AUTS2: variants seen among roughly 807,000 people sequenced by gnomAD.
AUTS2 encodes the protein autism susceptibility gene 2 protein.
A neutral mutation model predicts 112.4 loss-of-function variants in AUTS2; 17 were observed. That is an observed-to-expected ratio of 0.15 (90% CI 0.10 to 0.23). The LOEUF (loss-of-function observed/expected upper bound fraction) is 0.23. AUTS2 is among the 10% of genes least tolerant of loss of function. AUTS2 has a pLI of 1.00. For synonymous variants in AUTS2, 751 were observed against 702.7 expected (o/e 1.07, Z -1.09); for missense variants, 1,510 against 1,701.6 (o/e 0.89, Z 1.98).
At chr7:70,775,134 G>A (rs535847898) in intron 12 of AUTS2, 2 of 569,572 alleles carry the variant, frequency 3.5e-6, no homozygotes, top group East Asian at 3.0e-5. Flanking sequence ...ACTTGTACAG[G>A]GGCTTGTCAG....
chr7:70,582,355 C>T lies in AUTS2; in HGVS notation c.691-116214C>T, dbSNP rs374158650. Among the ~76,000 whole-genome samples the T allele has an allele frequency of 2.6e-5, 4 of 152,306 alleles. No homozygotes were observed. The East Asian group carries it at 7.7e-4, about 29-fold the overall frequency. ...GTCAAGCTGAGTATACAAAGCATCC[C>T]ATATTTCAGGCTGAGGCCTACGGAG... On this transcript the variant is annotated intron_variant, in intron 5 of 18. Transcript: ENST00000342771.
chr7:70,010,807 A>G (rs528737599), intron 2 of AUTS2, among the ~76,000 whole-genome samples: 2 of 152,312 alleles, frequency 1.3e-5, no homozygotes, highest in South Asian at 2.1e-4. Flanking sequence ...AACAGGATCT[A>G]TCCATTCTAC....
intron 2 of AUTS2, among the ~76,000 whole-genome samples, chr7:69,909,021 C>T (rs940571598): frequency 6.6e-6 from 1 of 152,092 alleles, no homozygotes; most frequent in Admixed American, 6.5e-5. Flanking sequence ...AGTACAGGTG[C>T]TGCAGGAGCC....
intron 5 of AUTS2, chr7:70,436,906 A>G (rs1307995593): frequency 2.0e-5 from 3 of 152,264 alleles, no homozygotes; most frequent in Non-Finnish European, 4.4e-5. Flanking sequence ...AGATGAAGAC[A>G]AATGGTGCTT....
chr7:70,753,400 C>G (rs1434641429), intron 6 of AUTS2, among the ~76,000 whole-genome samples: 1 of 152,184 alleles, frequency 6.6e-6, no homozygotes, highest in Non-Finnish European at 1.5e-5. Context: ...AAAATAGAAT[C>G]TCTTCGAGCC....
At chr7:70,329,668 A>T (rs1325411287) in intron 4 of AUTS2, among the ~76,000 whole-genome samples, 1 of 148,290 alleles carries the variant, frequency 6.7e-6, no homozygotes, top group Non-Finnish European at 1.5e-5. Flanking sequence ...TGTATTCTGG[A>T]TACTAGATAC....
chr7:70,535,204 G>T (rs1373070187), intron 5 of AUTS2, among the ~76,000 whole-genome samples: 1 of 151,986 alleles, frequency 6.6e-6, no homozygotes, highest in African/African-American at 2.4e-5. Flanking sequence ...CTACCTTATG[G>T]GATTATTGGC....
intron 4 of AUTS2, among the ~76,000 whole-genome samples, chr7:70,244,212 T>C (rs896792619): frequency 1.3e-5 from 2 of 152,188 alleles, no homozygotes; most frequent in Non-Finnish European, 2.9e-5. Flanking sequence ...CCTCACACAC[T>C]AGTGATCATA....
At chr7:70,415,726 T>C (rs1289229142) in intron 4 of AUTS2, among the ~76,000 whole-genome samples, 1 of 152,160 alleles carries the variant, frequency 6.6e-6, no homozygotes, top group Non-Finnish European at 1.5e-5. Context: ...GAGACATCTA[T>C]ATTGTGGCTG....
rs767169128 is a variant in AUTS2 at position 70,763,040 on chromosome 7, C to A, written c.913C>A (p.Pro305Thr). The A allele has an allele frequency of 3.7e-6, 6 of 1,613,980 alleles. No individual in the cohort carries two copies. The South Asian group carries it at 6.6e-5, about 18-fold the overall frequency. Residue 305 changes from proline to threonine, a missense_variant, in exon 7 of 19, where the codon CCA (proline) becomes ACA (threonine). Pro to Thr is a conservative substitution (Grantham distance 38). Transcript: ENST00000342771. ...LKDPCPQVAQPIPQPQTEPQL... is the reference protein window; with the variant it reads ...LKDPCPQVAQTIPQPQTEPQL... The stretch of plus-strand genomic sequence containing the variant: ...AGACCCCTGCCCTCAGGTCGCACAG[C>A]CAATACCCCAGCCGCAGACGGAGCC...
At position 70,521,291 on chromosome 7, in the gene AUTS2, C is replaced by T. The variant is rs771202478; in HGVS notation, c.690+85510C>T. The stretch of plus-strand genomic sequence containing the variant: ...ACAACTGCAAAAGACTTTGCAGATA[C>T]GACGTGTGAAATGCCAAGAGGAAGA... On this transcript the variant is annotated intron_variant, in intron 5 of 18. Transcript: ENST00000342771. Among the ~76,000 whole-genome samples the T allele has an allele frequency of 7.2e-5, 11 of 152,128 alleles. 1 individual carries two copies. The highest frequency in any genetic ancestry group is 6.2e-4 in the South Asian group (3 of 4,826).
At chr7:70,603,770 T>A (rs569315705) in intron 5 of AUTS2, among the ~76,000 whole-genome samples, 2 of 152,212 alleles carry the variant, frequency 1.3e-5, no homozygotes, top group Admixed American at 1.3e-4. Context: ...ATTTTGCCAA[T>A]AATTTAAATT....
At chr7:70,761,147 A>G (rs187761124) in intron 6 of AUTS2, among the ~76,000 whole-genome samples, 35 of 152,310 alleles carry the variant, frequency 2.3e-4, no homozygotes, top group Admixed American at 1.7e-3. Flanking sequence ...ACAGTACGTA[A>G]ACAGAAATAT....
intron 2 of AUTS2, among the ~76,000 whole-genome samples, chr7:69,901,085 T>C (rs1198113874): frequency 6.6e-6 from 1 of 152,198 alleles, no homozygotes; most frequent in East Asian, 1.9e-4. Context: ...CGTGGTTTGT[T>C]CTGTTTTCCA....
chr7:70,504,176 G>A (rs533048041), intron 5 of AUTS2, among the ~76,000 whole-genome samples: 1 of 151,878 alleles, frequency 6.6e-6, no homozygotes, highest in East Asian at 1.9e-4. Context: ...AAATATTAAA[G>A]CTTTATAGGC....
intron 5 of AUTS2, among the ~76,000 whole-genome samples, chr7:70,463,370 T>G (rs1361705270): frequency 6.6e-6 from 1 of 152,228 alleles, no homozygotes; most frequent in Non-Finnish European, 1.5e-5. Flanking sequence ...GTCTTCCCAT[T>G]TGACATTCTG....
chr7:70,510,508 T>C (rs150829313), intron 5 of AUTS2, among the ~76,000 whole-genome samples: 1 of 152,358 alleles, frequency 6.6e-6, no homozygotes, highest in African/African-American at 2.4e-5. Context: ...CCCAAGACCC[T>C]GTCAGGAGTT....
chr7:70,778,229 A>T lies in AUTS2; in HGVS notation c.2004+1055A>T, dbSNP rs1487220673. ...GGAACAAAGTAACTGACAAGTCTGT[A>T]TTTTACAGTCTGGGTATTTATAGGC... is the stretch of plus-strand genomic sequence containing the variant. On this transcript the variant is annotated intron_variant, in intron 14 of 18. Coordinates refer to ENST00000342771, the MANE Select transcript of AUTS2 (RefSeq NM_015570.4). Among the ~76,000 whole-genome samples, 4 of 152,200 alleles carry T rather than the reference A, an allele frequency of 2.6e-5. No homozygotes were observed. The East Asian group carries it at 7.7e-4, about 29-fold the overall frequency.
At chr7:70,753,822 TTTTG>T (rs1286264374) in intron 6 of AUTS2, among the ~76,000 whole-genome samples, 1 of 152,172 alleles carries the variant, frequency 6.6e-6, no homozygotes, top group Non-Finnish European at 1.5e-5. Flanking sequence ...TAAAAAGAGA[TTTTG>T]TTTGAGGCAA....
Sources: allele counts gnomAD v4.1 joint callset (sites outside exome capture counted in the v4.1 genomes callset), GRCh38; gene constraint gnomAD v4.1.1; transcripts MANE v1.5; gene names NCBI Gene and HGNC (gene_info 2026-07-23, HGNC 2026-07-21).